The following PAK5 variants were observed in gnomAD, a reference collection of about 807,000 sequenced individuals.
PAK5 encodes p21 (RAC1) activated kinase 5, also known as serine/threonine-protein kinase PAK 5.
Under a neutral mutation model 65.9 loss-of-function variants are expected in PAK5, and 16 were observed. That is an observed-to-expected ratio of 0.24 (90% CI 0.16 to 0.37). The LOEUF (loss-of-function observed/expected upper bound fraction) is 0.37, where lower values mean the gene tolerates loss of function less well. Among genes scored for constraint, PAK5 ranks in the 10% least tolerant of loss-of-function variants. PAK5 has a pLI of 1.00. For synonymous variants in PAK5, 371 were observed against 354.9 expected (o/e 1.05, Z -0.51); for missense variants, 785 against 903.9 (o/e 0.87, Z 1.69).
rs1030280087 is a variant in PAK5 at position 9,681,897 on chromosome 20, T to C, written c.-12+29389A>G. On this transcript the variant is annotated intron_variant, in intron 2 of 9. Coordinates refer to ENST00000353224, the MANE Select transcript of PAK5 (RefSeq NM_177990.4). Reference sequence around the variant, plus strand: ...TTGTTAGTCTATAAACACCTCCGTTTTACTTAATTTTTGGAGGCTTCTTCA... The same window carrying C: ...TTGTTAGTCTATAAACACCTCCGTTCTACTTAATTTTTGGAGGCTTCTTCA... Among the ~76,000 whole-genome samples the C allele has an allele frequency of 5.2e-4, 79 of 152,192 alleles. 1 individual carries two copies. The highest frequency in any genetic ancestry group is 4.1e-3 in the Admixed American group (63 of 15,272).
chr20:9,552,867 A>G (rs2045450603), intron 7 of PAK5, among the ~76,000 whole-genome samples: 2 of 151,780 alleles, frequency 1.3e-5, no homozygotes, highest in African/African-American at 4.8e-5. Flanking sequence ...ACTACAGACA[A>G]ATGCCACCAT....
intron 2 of PAK5, among the ~76,000 whole-genome samples, chr20:9,686,540 C>A (rs377628972): frequency 6.6e-6 from 1 of 152,174 alleles, no homozygotes; most frequent in South Asian, 2.1e-4. Flanking sequence ...TACAGGTGTG[C>A]GCCCCTGCAG....
chr20:9,802,584 T>C (rs184506784), intron 1 of PAK5, among the ~76,000 whole-genome samples: 7 of 152,184 alleles, frequency 4.6e-5, no homozygotes, highest in Admixed American at 3.3e-4. Context: ...TTTTTTATTG[T>C]TTTGAATATG....
At chr20:9,804,619 G>T (rs1228957831) in intron 1 of PAK5, among the ~76,000 whole-genome samples, 2 of 152,154 alleles carry the variant, frequency 1.3e-5, no homozygotes, top group Admixed American at 6.6e-5. Context: ...ACTCTTAGAA[G>T]AAAACATAAG....
chr20:9,577,798 G>C (rs191745910), intron 4 of PAK5: 8 of 152,124 alleles, frequency 5.3e-5, no homozygotes, highest in Non-Finnish European at 7.3e-5. Context: ...ATTTCTGATC[G>C]TAAGGGCTGA....
At chr20:9,837,636 T>A (rs1298360405) in intron 1 of PAK5, among the ~76,000 whole-genome samples, 1 of 152,182 alleles carries the variant, frequency 6.6e-6, no homozygotes, top group Non-Finnish European at 1.5e-5. Flanking sequence ...TGTCCATCTA[T>A]ATCAGGTAAG....
chr20:9,735,613 A>T (rs929982577), intron 1 of PAK5, among the ~76,000 whole-genome samples: 1 of 152,154 alleles, frequency 6.6e-6, no homozygotes, highest in African/African-American at 2.4e-5. Flanking sequence ...CACTGAAGAA[A>T]TCTTCAAGCA....
intron 3 of PAK5, among the ~76,000 whole-genome samples, chr20:9,631,723 G>T (rs1163887645): frequency 6.6e-6 from 1 of 152,176 alleles, no homozygotes; most frequent in East Asian, 1.9e-4. Flanking sequence ...ATAGAAAGCT[G>T]ATATGAAGGT....
At chr20:9,640,942 A>C (rs549334672) in intron 3 of PAK5, among the ~76,000 whole-genome samples, 6 of 152,268 alleles carry the variant, frequency 3.9e-5, no homozygotes, top group Admixed American at 6.5e-5. Flanking sequence ...CGAAAGAACA[A>C]AGCTTCCACA....
intron 3 of PAK5, among the ~76,000 whole-genome samples, chr20:9,600,837 G>A (rs1288962813): frequency 7.1e-6 from 1 of 141,380 alleles, no homozygotes; most frequent in Non-Finnish European, 1.6e-5. Context: ...TATCTGGCAG[G>A]GGAGAAAGGA....
chr20:9,812,371 A>T (rs1409755331), intron 1 of PAK5, among the ~76,000 whole-genome samples: 1 of 152,222 alleles, frequency 6.6e-6, no homozygotes, highest in Non-Finnish European at 1.5e-5. Flanking sequence ...CAAGTAACAT[A>T]TAAAAATGAT....
At chr20:9,831,065 G>A (rs1978675932) in intron 1 of PAK5, among the ~76,000 whole-genome samples, 1 of 152,334 alleles carries the variant, frequency 6.6e-6, no homozygotes. Flanking sequence ...GCTGGGTGTG[G>A]GGGAAGAACC....
intron 1 of PAK5, among the ~76,000 whole-genome samples, chr20:9,824,619 T>A (rs1374154229): frequency 6.6e-6 from 1 of 152,140 alleles, no homozygotes; most frequent in Non-Finnish European, 1.5e-5. Flanking sequence ...CCCATGTGTA[T>A]CTACACGGCA....
intron 1 of PAK5, among the ~76,000 whole-genome samples, chr20:9,805,347 G>A (rs1226391049): frequency 1.3e-5 from 2 of 152,072 alleles, no homozygotes; most frequent in African/African-American, 4.8e-5. Flanking sequence ...ACTACCTTAC[G>A]ACATAGCAAT....
chr20:9,721,541 T>A (rs536069991), intron 1 of PAK5, among the ~76,000 whole-genome samples: 1 of 150,608 alleles, frequency 6.6e-6, no homozygotes, highest in Admixed American at 6.7e-5. Flanking sequence ...TAATCTCAGC[T>A]ACTCGGGAGG....
chr20:9,795,122 T>C (rs1036225707), intron 1 of PAK5, among the ~76,000 whole-genome samples: 2 of 152,052 alleles, frequency 1.3e-5, no homozygotes, highest in African/African-American at 4.8e-5. Flanking sequence ...TAGGTACTCA[T>C]TTTCCAAGAG....
intron 3 of PAK5, among the ~76,000 whole-genome samples, chr20:9,632,139 G>A (rs1253454503): frequency 2.0e-5 from 3 of 152,160 alleles, no homozygotes; most frequent in Admixed American, 2.0e-4. Context: ...TGGGAGAGAA[G>A]AGCTGGGGAA....
chr20:9,823,422 C>G (rs377064423), intron 1 of PAK5, among the ~76,000 whole-genome samples: 30 of 152,332 alleles, frequency 2.0e-4, no homozygotes, highest in African/African-American at 7.0e-4. Flanking sequence ...ATAATCCTCA[C>G]GTGTCAAGGG....
chr20:9,645,649 A>G (rs759044493), intron 2 of PAK5, among the ~76,000 whole-genome samples: 21 of 151,952 alleles, frequency 1.4e-4, no homozygotes, highest in Admixed American at 7.9e-4. Context: ...CAGTGGTGCA[A>G]TCTCAGCTCA....
Sources: allele counts gnomAD v4.1 joint callset (sites outside exome capture counted in the v4.1 genomes callset), GRCh38; gene constraint gnomAD v4.1.1; transcripts MANE v1.5; gene names NCBI Gene and HGNC (gene_info 2026-07-23, HGNC 2026-07-21).